Variants in SLC26A9 observed in about 807,000 individuals in gnomAD.
SLC26A9 encodes anion transporter/exchanger protein 9.
In SLC26A9, 46 loss-of-function variants were observed where a neutral mutation model predicts 87.1. The ratio of observed to expected loss-of-function variants is 0.53; its 90% CI spans 0.42 to 0.67. SLC26A9 has a LOEUF of 0.67. Ranked by LOEUF, SLC26A9 falls within the 30% of genes least tolerant of loss-of-function variation. The pLI is 0.00. For missense variants in SLC26A9, 927 were observed against 1,018.3 expected, an observed-to-expected ratio of 0.91 and a Z score of 1.22; for synonymous variants, 437 against 409.1, an observed-to-expected ratio of 1.07 and a Z score of -0.82.
chr1:205,938,599 C>T (rs111348133), intron 1 of SLC26A9, among the ~76,000 whole-genome samples: 3,690 of 152,236 alleles, frequency 0.024, 152 homozygotes, highest in African/African-American at 0.085. Flanking sequence ...ACCCACCAAA[C>T]AAGCCTGAGT....
intron 20 of SLC26A9, 75 bp from the exon 21 acceptor site, chr1:205,915,479 A>C: frequency 6.3e-7 from 1 of 1,599,496 alleles, no homozygotes; most frequent in Non-Finnish European, 8.6e-7. Context: ...GGCTGCAACC[A>C]AGAGGTGACC....
chr1:205,924,668 C>T (rs1658994317), intron 12 of SLC26A9, 179 bp from the exon 13 acceptor site: 1 of 576,358 alleles, frequency 1.7e-6, no homozygotes, highest in African/African-American at 1.9e-5. Flanking sequence ...GTTACACTTT[C>T]CTCTTTCCCT....
At chr1:205,931,309 A>G (rs1659293484) in intron 5 of SLC26A9, among the ~76,000 whole-genome samples, 1 of 152,100 alleles carries the variant, frequency 6.6e-6, no homozygotes, top group South Asian at 2.1e-4. Context: ...AGAGGCTGTG[A>G]GTCTTTTACA....
At chr1:205,930,151 T>TA in intron 5 of SLC26A9, 95 bp from the exon 6 acceptor site, 1 of 1,377,454 alleles carries the variant, frequency 7.3e-7, no homozygotes, top group South Asian at 1.5e-5. Flanking sequence ...TGGAGCTCCG[T>TA]GCAGTCCTAG....
chr1:205,932,031 G>C lies in SLC26A9; in HGVS notation c.381C>G (p.Thr127=), dbSNP rs369156421. Residue 127 remains threonine (T), a synonymous_variant, in exon 5 of 21, where the codon ACC becomes ACG. Coordinates refer to ENST00000367135, the MANE Select transcript of SLC26A9 (RefSeq NM_052934.4). ...CCACCAGGATGCTGATAACGGCAAA[G>C]GTACCTGTGGTGCCCCACCCAGCCA... ...LGGVHQMVPG[T]FAVISILVGN... 1.5e-5 allele frequency: 25 copies of C among 1,613,968 alleles called. No individual in the cohort carries two copies. The South Asian group carries it at 2.7e-4, about 18-fold the overall frequency.
chr1:205,915,317 G>A lies in SLC26A9; in HGVS notation c.*40C>T. 2 of 1,613,772 alleles carry A rather than the reference G, an allele frequency of 1.2e-6. No individual in the cohort carries two copies. The highest frequency in any genetic ancestry group is 1.7e-6 in the Non-Finnish European group (2 of 1,179,812). Reference sequence around the variant, plus strand: ...CTCATCCTTTATGGAAGTCCCAAGTGCCAGGCACTCTGTAGGCAGCATGAG... The same window carrying A: ...CTCATCCTTTATGGAAGTCCCAAGTACCAGGCACTCTGTAGGCAGCATGAG... On this transcript the variant is annotated 3_prime_UTR_variant, in exon 21 of 21. Coordinates refer to ENST00000367135, the MANE Select transcript of SLC26A9 (RefSeq NM_052934.4).
At position 205,918,887 on chromosome 1, in the gene SLC26A9, CAA is replaced by C. The variant is rs753937198; in HGVS notation, c.2207_2208del (p.Phe736CysfsTer6). ...VFPSIHDAVL[F>X]AQANARDVTP... ...GTCACGTCTCTAGCATTTGCCTGGG[CAA>C]AGAGGACTGCGTCATGTATGCTGGG... On this transcript the variant is annotated frameshift_variant, in exon 19 of 21. Coordinates refer to ENST00000367135, the MANE Select transcript of SLC26A9 (RefSeq NM_052934.4). LOFTEE classifies it high-confidence loss of function. 1 of 1,614,206 alleles carries C rather than the reference CAA, an allele frequency of 6.2e-7. No individual in the cohort carries two copies. Among genetic ancestry groups the C allele is most frequent in the Admixed American group, 1.7e-5 (1 of 60,028 alleles).
chr1:205,921,126 G>A (rs893592257), intron 17 of SLC26A9, among the ~76,000 whole-genome samples: 5 of 152,252 alleles, frequency 3.3e-5, no homozygotes, highest in African/African-American at 9.6e-5. Flanking sequence ...AAGGTGTCCC[G>A]TGGGCTCTCT....
chr1:205,932,800 G>C lies in SLC26A9; in HGVS notation c.278C>G (p.Ala93Gly), dbSNP rs141806051. The C allele has an allele frequency of 1.0e-4, 166 of 1,596,582 alleles. No homozygotes were observed. The African/African-American group carries it at 1.9e-3, about 18-fold the overall frequency. Residue 93 changes from alanine to glycine, a missense_variant, in exon 4 of 21, where the codon GCT becomes GGT. Coordinates refer to ENST00000367135, the MANE Select transcript of SLC26A9 (RefSeq NM_052934.4). ...SIQVPQGMAF[A>G]LLANLPAVNG... ...GACTGCAGGAAGGTTGGCCAGCAGA[G>C]CAAATGCCATGCCTGCAGAGGACAA... is the stretch of plus-strand genomic sequence containing the variant.
chr1:205,936,107 G>T (rs141848000), intron 1 of SLC26A9, among the ~76,000 whole-genome samples: 1 of 152,256 alleles, frequency 6.6e-6, no homozygotes, highest in Non-Finnish European at 1.5e-5. Context: ...CACCTGTGGC[G>T]TCACCATCAC....
chr1:205,918,666 G>A (rs548475461), intron 19 of SLC26A9, among the ~76,000 whole-genome samples, 174 bp downstream of exon 19: 32 of 152,354 alleles, frequency 2.1e-4, no homozygotes, highest in Middle Eastern at 3.4e-3. Context: ...AGAGAGGTAG[G>A]TAATGTTAGT....
rs1195476524 is a variant in SLC26A9 at position 205,913,376 on chromosome 1, A to G, written c.*1981T>C. On this transcript the variant is annotated 3_prime_UTR_variant, in exon 21 of 21. Transcript: ENST00000367135. ...ACAGCGGGCTCTGCAACCCTCAGACATGTGGCAGATCTCTCCCTGAGCCTC... is the reference window on the plus strand; with the variant it reads ...ACAGCGGGCTCTGCAACCCTCAGACGTGTGGCAGATCTCTCCCTGAGCCTC... 6.6e-6 allele frequency: 1 copy of G among 152,598 alleles called. No homozygotes were observed. The highest frequency in any genetic ancestry group is 2.4e-5 in the African/African-American group (1 of 41,440). The allele number at this position is 152,598 out of a possible 1,614,324, so 9.5% of individuals were successfully genotyped here.
chr1:205,928,137 G>A, intron 8 of SLC26A9, 88 bp from the exon 9 acceptor site: 1 of 1,479,454 alleles, frequency 6.8e-7, no homozygotes, highest in Non-Finnish European at 9.1e-7. Context: ...GGACCAGCCA[G>A]GCCCCCATGG....
At position 205,933,057 on chromosome 1, in the gene SLC26A9, C is replaced by T; in HGVS notation, c.153G>A (p.Val51=). The change falls in exon 3 of 21, where the codon GTG becomes GTA. Residue 51 remains valine (V), a synonymous_variant. Coordinates refer to ENST00000367135, the MANE Select transcript of SLC26A9 (RefSeq NM_052934.4). ...AGAGCACAGGCAGCAGCCCAAACAC[C>T]ACAGCTTTGATCTTGGCTGAGGAAC... ...FRCSSAKIKA[V]VFGLLPVLSW... 3 of 1,614,158 alleles carry T rather than the reference C, an allele frequency of 1.9e-6. No homozygotes were observed. Among genetic ancestry groups the T allele is most frequent in the Non-Finnish European group, 1.7e-6 (2 of 1,180,042 alleles).
intron 16 of SLC26A9, among the ~76,000 whole-genome samples, chr1:205,922,629 G>A (rs376619243): frequency 1.3e-5 from 2 of 152,238 alleles, no homozygotes; most frequent in Non-Finnish European, 2.9e-5. Context: ...CAGGCTGGGC[G>A]CAGTGGCTCA....
In SLC26A9 at chr1:205,918,940, C is replaced by T. The variant is rs1658709472; in HGVS notation, c.2156G>A (p.Gly719Glu). The T allele has an allele frequency of 1.2e-6, 2 of 1,614,148 alleles. No individual in the cohort carries two copies. Among genetic ancestry groups the T allele is most frequent in the Non-Finnish European group, 8.5e-7 (1 of 1,180,010 alleles). Reference sequence around the variant, plus strand: ...AAAGACGTGCTTGCATTCTAGACTCCCATCCTCAAAGACGCCTCCATGGCT... The same window carrying T: ...AAAGACGTGCTTGCATTCTAGACTCTCATCCTCAAAGACGCCTCCATGGCT... ...DISHGGVFEDGSLECKHVFPS... is the reference protein window; with the variant it reads ...DISHGGVFEDESLECKHVFPS... The change falls in exon 19 of 21, where the codon GGG becomes GAG. Residue 719 changes from glycine to glutamate, a missense_variant. Physicochemically the swap from Gly to Glu is moderately conservative, Grantham distance 98. Coordinates refer to ENST00000367135, the MANE Select transcript of SLC26A9 (RefSeq NM_052934.4).
chr1:205,918,776 T>C lies in SLC26A9; in HGVS notation c.2256+64A>G. 7 of 1,544,996 alleles carry C rather than the reference T, an allele frequency of 4.5e-6. No individual in the cohort carries two copies. The South Asian group carries it at 8.5e-5, about 19-fold the overall frequency. On this transcript the variant is annotated intron_variant, in intron 19 of 20. Coordinates refer to ENST00000367135, the MANE Select transcript of SLC26A9 (RefSeq NM_052934.4). ...CCTTCTCCTGTGTTCTTTCTAATAA[T>C]GCCTCTTGGTCCTGCTATTTCAGTG...
At chr1:205,930,143 G>T in intron 5 of SLC26A9, 87 bp from the exon 6 acceptor site, 2 of 1,429,564 alleles carry the variant, frequency 1.4e-6, no homozygotes. Flanking sequence ...CGCAGGTCTG[G>T]AGCTCCGTGC....
At chr1:205,919,581 T>A (rs1658736306) in intron 18 of SLC26A9, among the ~76,000 whole-genome samples, 1 of 152,202 alleles carries the variant, frequency 6.6e-6, no homozygotes, top group Non-Finnish European at 1.5e-5. Context: ...TATGTGCCCC[T>A]TCACATTCTC....
Sources: gnomAD v4.1 joint callset for allele counts (sites outside exome capture counted in the v4.1 genomes callset) on GRCh38, gnomAD v4.1.1 for gene constraint, MANE v1.5 for transcripts, NCBI Gene and HGNC (gene_info 2026-07-23, HGNC 2026-07-21) for gene names.